Variants in PLCG2 observed in about 807,000 individuals in gnomAD.
PLCG2 encodes phospholipase C gamma 2.
In PLCG2, 69 loss-of-function variants were observed where a neutral mutation model predicts 175.6. The ratio of observed to expected loss-of-function variants is 0.39; its 90% CI spans 0.32 to 0.48. The LOEUF (loss-of-function observed/expected upper bound fraction) is 0.48, where lower values mean the gene tolerates loss of function less well. Among genes scored for constraint, PLCG2 ranks in the 20% least tolerant of loss-of-function variants. The pLI is 0.91. For synonymous variants in PLCG2, 827 were observed against 624.0 expected, an observed-to-expected ratio of 1.33 and a Z score of -4.85; for missense variants, 1,798 against 1,650.9, an observed-to-expected ratio of 1.09 and a Z score of -1.54.
Position 81,960,494 on chromosome 16 carries a change from TGGGGAGGCTGG to T in PLCG2, c.*2497_*2507del, listed in dbSNP as rs1157863438. On this transcript the variant is annotated 3_prime_UTR_variant, in exon 33 of 33. Coordinates refer to ENST00000564138, the MANE Select transcript of PLCG2 (RefSeq NM_002661.5). ...TTGGTTATTACAAGGAAAAATAAAGTGGGGAGGCTGGTTAGGCCTTGTGAGTTTGGGAAACT... is the reference window on the plus strand; with the variant it reads ...TTGGTTATTACAAGGAAAAATAAAGTTTAGGCCTTGTGAGTTTGGGAAACT... The T allele has an allele frequency of 4.3e-6, 1 of 230,888 alleles. No individual in the cohort carries two copies. Among genetic ancestry groups the T allele is most frequent in the Non-Finnish European group, 8.6e-6 (1 of 116,748 alleles). The allele number at this position is 230,888 out of a possible 1,614,324, so 14.3% of individuals were successfully genotyped here.
intron 20 of PLCG2, among the ~76,000 whole-genome samples, chr16:81,920,826 G>A (rs1341906034): frequency 2.6e-5 from 4 of 152,202 alleles, no homozygotes; most frequent in African/African-American, 7.2e-5. Flanking sequence ...TCAGTTTCAA[G>A]TTGTTGATGT....
intron 2 of PLCG2, among the ~76,000 whole-genome samples, chr16:81,806,532 C>T (rs1912029944): frequency 6.6e-6 from 1 of 152,128 alleles, no homozygotes. Context: ...CCAGGCAGCA[C>T]TGCTCAGCTT....
intron 7 of PLCG2, among the ~76,000 whole-genome samples, chr16:81,877,634 T>C (rs150203433): frequency 0.013 from 1,961 of 152,314 alleles, 18 homozygotes; most frequent in Admixed American, 0.024. Context: ...CCTCGGAGTG[T>C]GGACACCGCC....
chr16:81,778,051 A>AAAC (rs1910514159), upstream of PLCG2, among the ~76,000 whole-genome samples: 7 of 79,172 alleles, frequency 8.8e-5, no homozygotes, highest in East Asian at 3.1e-4. Context: ...AACAAAAAAA[A>AAAC]AAACAAAAAA....
At chr16:81,872,001 A>G (rs1907539789) in intron 7 of PLCG2, among the ~76,000 whole-genome samples, 1 of 152,186 alleles carries the variant, frequency 6.6e-6, no homozygotes, top group Admixed American at 6.5e-5. Context: ...CAGCAGATTT[A>G]CATCAGGAGT....
intron 5 of PLCG2, among the ~76,000 whole-genome samples, chr16:81,863,207 A>C (rs1301690771): frequency 6.6e-6 from 1 of 152,150 alleles, no homozygotes; most frequent in Non-Finnish European, 1.5e-5. Context: ...CTCCCCATTG[A>C]TTCTCTCTTT....
At chr16:81,944,666 G>C (rs961003240) in intron 30 of PLCG2, among the ~76,000 whole-genome samples, 1 of 152,070 alleles carries the variant, frequency 6.6e-6, no homozygotes, top group Non-Finnish European at 1.5e-5. Flanking sequence ...GTAGAGATGG[G>C]GGTCTTGCTA....
chr16:81,933,260 G>A (rs1372511074), intron 25 of PLCG2, among the ~76,000 whole-genome samples: 1 of 152,180 alleles, frequency 6.6e-6, no homozygotes, highest in Non-Finnish European at 1.5e-5. Flanking sequence ...CAGTAGAGTT[G>A]ACGGAGTTCC....
intron 7 of PLCG2, among the ~76,000 whole-genome samples, chr16:81,878,962 G>T (rs72820808): frequency 1.8e-3 from 270 of 152,276 alleles, no homozygotes; most frequent in Non-Finnish European, 3.3e-3. Flanking sequence ...TCAACAAGCA[G>T]AGTGTCCGGG....
chr16:81,815,038 T>G (rs968163457), intron 2 of PLCG2, among the ~76,000 whole-genome samples: 1 of 152,224 alleles, frequency 6.6e-6, no homozygotes, highest in Admixed American at 6.5e-5. Flanking sequence ...GCCTGACAAA[T>G]CTTCCAAGGC....
In PLCG2 at chr16:81,859,770, T is replaced by G. The variant is rs932759717; in HGVS notation, c.479+607T>G. 2.0e-5 allele frequency among the ~76,000 whole-genome samples: 3 copies of G among 152,128 alleles called. No individual in the cohort carries two copies. The South Asian group carries it at 6.2e-4, about 32-fold the overall frequency. ...GCAGGATGGTCTTGAACTCCTGACC[T>G]TGTGATCCGCCCACCTTGGCCTCCC... On this transcript the variant is annotated intron_variant, in intron 5 of 32. Transcript: ENST00000564138.
At chr16:81,749,047 T>C (rs1172731206) in intron 1 of PLCG2, among the ~76,000 whole-genome samples, 1 of 152,098 alleles carries the variant, frequency 6.6e-6, no homozygotes, top group Non-Finnish European at 1.5e-5. Context: ...GCTGTGGTGC[T>C]CACTAAAGCT....
rs554759606 is a variant in PLCG2 at position 81,958,233 on chromosome 16, GCTC to G, written c.*239_*241del. 1.8e-4 allele frequency: 97 copies of G among 528,676 alleles called. No homozygotes were observed. In the South Asian group the frequency reaches 2.4e-3, roughly 13 times the overall value. The allele number at this position is 528,676 out of a possible 1,614,324, so 32.7% of individuals were successfully genotyped here. Reference sequence around the variant, plus strand: ...CTTTATAGAGGATTCCCCAAAATGTGCTCCTCATTTTTGGCCTCTCATGTTCCA... The same window carrying G: ...CTTTATAGAGGATTCCCCAAAATGTGCTCATTTTTGGCCTCTCATGTTCCA... On this transcript the variant is annotated 3_prime_UTR_variant, in exon 33 of 33. Transcript: ENST00000564138.
At chr16:81,806,796 T>C (rs1904283268) in intron 2 of PLCG2, among the ~76,000 whole-genome samples, 1 of 150,692 alleles carries the variant, frequency 6.6e-6, no homozygotes, top group Non-Finnish European at 1.5e-5. Context: ...TGTAGATAAG[T>C]GTTTTGAGGG....
At chr16:81,770,412 T>C (rs1439747272) in intron 2 of PLCG2, among the ~76,000 whole-genome samples, 2 of 152,218 alleles carry the variant, frequency 1.3e-5, no homozygotes, top group African/African-American at 4.8e-5. Context: ...GAACAGCCTT[T>C]AAAAAATATT....
intron 2 of PLCG2, among the ~76,000 whole-genome samples, chr16:81,759,653 C>T (rs1909997422): frequency 6.6e-6 from 1 of 152,210 alleles, no homozygotes. Flanking sequence ...CCAAACTCCT[C>T]CTAGGGACCG....
chr16:81,879,633 G>A (rs184509472), intron 7 of PLCG2, among the ~76,000 whole-genome samples: 3 of 152,300 alleles, frequency 2.0e-5, no homozygotes, highest in African/African-American at 4.8e-5. Context: ...GATGTTTTAT[G>A]TCGTTAGCAT....
At chr16:81,812,747 C>T (rs1904371999) in intron 2 of PLCG2, among the ~76,000 whole-genome samples, 1 of 152,080 alleles carries the variant, frequency 6.6e-6, no homozygotes, top group Non-Finnish European at 1.5e-5. Context: ...AAGTCTTTGC[C>T]CATGCCTATG....
chr16:81,894,635 G>A (rs1236326886), intron 12 of PLCG2, among the ~76,000 whole-genome samples: 5 of 152,206 alleles, frequency 3.3e-5, no homozygotes, highest in Admixed American at 1.3e-4. Context: ...CACTGTGAGA[G>A]GTCGAGGTGG....
Sources: allele counts gnomAD v4.1 joint callset (sites outside exome capture counted in the v4.1 genomes callset), GRCh38; gene constraint gnomAD v4.1.1; transcripts MANE v1.5; gene names NCBI Gene and HGNC (gene_info 2026-07-23, HGNC 2026-07-21).